SLC8A1: variants seen among roughly 807,000 people sequenced by gnomAD.
SLC8A1 encodes the protein sodium/calcium exchanger 1.
A neutral mutation model predicts 68.3 loss-of-function variants in SLC8A1; 18 were observed. The observed-to-expected ratio is 0.26, with a 90% CI of 0.18 to 0.39. The LOEUF is 0.39. Ranked by LOEUF, SLC8A1 falls within the 10% of genes least tolerant of loss-of-function variation. The pLI is 1.00. For missense variants in SLC8A1, 985 were observed against 1,156.7 expected, an observed-to-expected ratio of 0.85 and a Z score of 2.15; for synonymous variants, 475 against 415.5, an observed-to-expected ratio of 1.14 and a Z score of -1.74.
At chr2:40,371,013 G>T (rs992887050) in intron 2 of SLC8A1, among the ~76,000 whole-genome samples, 15 of 151,956 alleles carry the variant, frequency 9.9e-5, no homozygotes, top group Non-Finnish European at 1.5e-5. Context: ...TTCTGACTCG[G>T]GGTACCTAAG....
chr2:40,437,787 G>A (rs1006168703), intron 1 of SLC8A1, among the ~76,000 whole-genome samples: 33 of 151,934 alleles, frequency 2.2e-4, no homozygotes, highest in Admixed American at 3.9e-4. Context: ...CAACACATTC[G>A]TTTATGGTTT....
intron 1 of SLC8A1, among the ~76,000 whole-genome samples, chr2:40,490,834 A>G (rs1047775354): frequency 1.1e-4 from 17 of 152,134 alleles, no homozygotes; most frequent in African/African-American, 3.9e-4. Flanking sequence ...GTTGGAACAT[A>G]CGGGAAAAGA....
At chr2:40,282,385 G>A (rs1331040586) in intron 2 of SLC8A1, among the ~76,000 whole-genome samples, 1 of 152,166 alleles carries the variant, frequency 6.6e-6, no homozygotes. Context: ...CAAGGGTAAA[G>A]ACTGTCTCTT....
intron 2 of SLC8A1, among the ~76,000 whole-genome samples, chr2:40,253,150 C>CAT (rs1289357303): frequency 9.8e-6 from 1 of 102,190 alleles, no homozygotes; most frequent in Admixed American, 1.0e-4. Flanking sequence ...TATGTATATA[C>CAT]ATACATATAT....
intron 4 of SLC8A1, among the ~76,000 whole-genome samples, chr2:40,172,998 G>A (rs955395745): frequency 6.6e-6 from 1 of 152,146 alleles, no homozygotes; most frequent in Admixed American, 6.5e-5. Context: ...ACACGTCAAT[G>A]TGTTTTTGAC....
At chr2:40,224,727 T>C (rs1347580852) in intron 2 of SLC8A1, among the ~76,000 whole-genome samples, 1 of 152,164 alleles carries the variant, frequency 6.6e-6, no homozygotes, top group Non-Finnish European at 1.5e-5. Flanking sequence ...TGCTTATTTT[T>C]TACAACTCCT....
At chr2:40,295,510 A>G (rs2149247918) in intron 2 of SLC8A1, among the ~76,000 whole-genome samples, 1 of 152,332 alleles carries the variant, frequency 6.6e-6, no homozygotes, top group East Asian at 1.9e-4. Flanking sequence ...ATATCTATCT[A>G]TAAACATTAG....
chr2:40,205,028 C>A (rs894231555), intron 2 of SLC8A1, among the ~76,000 whole-genome samples: 1 of 151,906 alleles, frequency 6.6e-6, no homozygotes, highest in African/African-American at 2.4e-5. Context: ...TTCATACGTG[C>A]ATATCAGCTG....
chr2:40,168,516 T>A (rs953533460), intron 4 of SLC8A1, among the ~76,000 whole-genome samples: 1 of 152,214 alleles, frequency 6.6e-6, no homozygotes, highest in South Asian at 2.1e-4. Context: ...TCTACAGTTA[T>A]ACTGATAAAT....
At chr2:40,135,677 C>T (rs1246288867) in intron 7 of SLC8A1, among the ~76,000 whole-genome samples, 3 of 152,110 alleles carry the variant, frequency 2.0e-5, no homozygotes, top group Admixed American at 1.3e-4. Context: ...AAGATCGTGC[C>T]ACTGCACTCC....
intron 2 of SLC8A1, among the ~76,000 whole-genome samples, chr2:40,410,150 A>G (rs1176603673): frequency 1.3e-5 from 2 of 152,148 alleles, no homozygotes. Flanking sequence ...TGACTCTTTG[A>G]AGTTTTAGAC....
intron 1 of SLC8A1, among the ~76,000 whole-genome samples, chr2:40,493,179 G>A (rs1430004824): frequency 1.3e-5 from 2 of 152,092 alleles, no homozygotes; most frequent in Non-Finnish European, 2.9e-5. Context: ...AAAATGATGA[G>A]TTCCTGTCCT....
chr2:40,334,689 C>G (rs547516065), intron 2 of SLC8A1, among the ~76,000 whole-genome samples: 7 of 152,078 alleles, frequency 4.6e-5, no homozygotes. Flanking sequence ...TTGAGGGTTA[C>G]GCACTAATGG....
At chr2:40,171,859 A>G (rs917253729) in intron 4 of SLC8A1, among the ~76,000 whole-genome samples, 2 of 152,256 alleles carry the variant, frequency 1.3e-5, no homozygotes, top group Non-Finnish European at 2.9e-5. Context: ...GGGCCTTTCA[A>G]TGAGGCAAGG....
intron 1 of SLC8A1, among the ~76,000 whole-genome samples, chr2:40,511,429 G>A (rs1227975249): frequency 1.3e-5 from 2 of 152,062 alleles, no homozygotes; most frequent in African/African-American, 4.8e-5. Context: ...ACTACAATTT[G>A]GTAATTAGCT....
intron 2 of SLC8A1, among the ~76,000 whole-genome samples, chr2:40,337,496 ACCT>A (rs1382702804): frequency 6.6e-6 from 1 of 151,940 alleles, no homozygotes; most frequent in Non-Finnish European, 1.5e-5. Flanking sequence ...CAAACCACTC[ACCT>A]CCATAGCGCA....
In SLC8A1 at chr2:40,331,337, T is replaced by C. The variant is rs150752848; in HGVS notation, c.1808+97136A>G. 8.1e-3 allele frequency among the ~76,000 whole-genome samples: 1,236 copies of C among 152,294 alleles called. 15 individuals carry two copies. Among genetic ancestry groups the C allele is most frequent in the African/African-American group, 0.028 (1,177 of 41,556 alleles). ...TTTTAACTTCATTTTCTACAGAATA[T>C]TCATAGAATATTCATAGAATCATAA... On this transcript the variant is annotated intron_variant, in intron 2 of 7. Coordinates refer to ENST00000406785, the Ensembl canonical transcript of SLC8A1.
intron 1 of SLC8A1, among the ~76,000 whole-genome samples, chr2:40,489,921 T>C (rs181605308): frequency 2.0e-5 from 3 of 152,224 alleles, no homozygotes; most frequent in Admixed American, 2.0e-4. Flanking sequence ...AGTCAGATTT[T>C]ACAACCTGAT....
chr2:40,347,982 A>T (rs1669881971), intron 2 of SLC8A1, among the ~76,000 whole-genome samples: 1 of 152,202 alleles, frequency 6.6e-6, no homozygotes, highest in African/African-American at 2.4e-5. Flanking sequence ...TTAAAAGCAT[A>T]TTCTCAGGTT....
Sources: gnomAD v4.1 joint callset for allele counts (sites outside exome capture counted in the v4.1 genomes callset) on GRCh38, gnomAD v4.1.1 for gene constraint, MANE v1.5 for transcripts, NCBI Gene and HGNC (gene_info 2026-07-23, HGNC 2026-07-21) for gene names.